The following FAM153A variants were observed in gnomAD, a reference collection of about 807,000 sequenced individuals.
FAM153A encodes family with sequence similarity 153 member A, also known as protein FAM153A.
In FAM153A, 12 loss-of-function variants were observed where a neutral mutation model predicts 48.1. That is an observed-to-expected ratio of 0.25 (90% confidence interval 0.16 to 0.40). The LOEUF (loss-of-function observed/expected upper bound fraction) is 0.40, where lower values mean the gene tolerates loss of function less well. Among genes scored for constraint, FAM153A ranks in the 10% least tolerant of loss-of-function variants. FAM153A has a pLI of 1.00. For synonymous variants in FAM153A, 36 were observed against 118.2 expected, an observed-to-expected ratio of 0.30 and a Z score of 4.51; for missense variants, 111 against 345.8, an observed-to-expected ratio of 0.32 and a Z score of 5.38.
the FAM153A span, among the ~76,000 whole-genome samples, chr5:177,702,564 A>T: frequency 6.6e-6 from 1 of 151,876 alleles, no homozygotes; most frequent in Non-Finnish European, 1.5e-5. Context: ...TAGCCAAGAC[A>T]ATGGGGGAAA....
upstream of FAM153A, among the ~76,000 whole-genome samples, chr5:177,755,569 T>C (rs1444243874): frequency 1.3e-5 from 2 of 151,688 alleles, no homozygotes; most frequent in Non-Finnish European, 2.9e-5. Flanking sequence ...GAAAAAATGT[T>C]AAGGGCAGCC....
chr5:177,710,313 T>C (rs1456304654), downstream of FAM153A, among the ~76,000 whole-genome samples: 1 of 151,504 alleles, frequency 6.6e-6, no homozygotes, highest in Non-Finnish European at 1.5e-5. Context: ...AGTTTCACCA[T>C]GTTGGCCAGG....
the FAM153A span, among the ~76,000 whole-genome samples, chr5:177,694,866 T>C: frequency 1.3e-5 from 2 of 150,678 alleles, no homozygotes; most frequent in Non-Finnish European, 2.9e-5. Context: ...TTTCCCTAAT[T>C]AGGACTCCAC....
the FAM153A span, among the ~76,000 whole-genome samples, chr5:177,699,575 A>G: frequency 1.3e-5 from 2 of 152,262 alleles, no homozygotes; most frequent in African/African-American, 2.4e-5. Context: ...AGGGAATACT[A>G]TGGACAACTG....
At chr5:177,713,555 T>C (rs1373143203) in intron 26 of FAM153A, among the ~76,000 whole-genome samples, 56 of 151,152 alleles carry the variant, frequency 3.7e-4, no homozygotes, top group African/African-American at 1.3e-3. Context: ...CCGTGCTCGG[T>C]CATCTTACAT....
the FAM153A span, among the ~76,000 whole-genome samples, chr5:177,694,819 C>A: frequency 1.4e-5 from 2 of 146,574 alleles, no homozygotes; most frequent in African/African-American, 5.2e-5. Context: ...TCTGCTTTTT[C>A]TTGTTGCTTT....
At chr5:177,768,768 A>G (rs1362075905) in intron 1 of FAM153A, among the ~76,000 whole-genome samples, 1 of 106,890 alleles carries the variant, frequency 9.4e-6, no homozygotes, top group Non-Finnish European at 1.9e-5. Context: ...ATCGTCCTGC[A>G]GTGCACCCAC....
intron 9 of FAM153A, 58 bp from the exon 12 acceptor site, chr5:177,739,195 G>C: frequency 1.3e-6 from 2 of 1,569,752 alleles, no homozygotes; most frequent in Non-Finnish European, 1.7e-6. Flanking sequence ...TCTGTGCACA[G>C]GTCTTTTCTA....
chr5:177,728,766 A>C (rs977204899), intron 18 of FAM153A, among the ~76,000 whole-genome samples: 4 of 150,152 alleles, frequency 2.7e-5, no homozygotes, highest in African/African-American at 1.0e-4. Flanking sequence ...GGGGTTTCTC[A>C]ATGTCAGTCA....
intron 1 of FAM153A, among the ~76,000 whole-genome samples, chr5:177,752,638 A>AAGAAG (rs1767105799): frequency 1.0e-5 from 1 of 98,730 alleles, no homozygotes; most frequent in South Asian, 3.1e-4. Flanking sequence ...AAAAAAAAAA[A>AAGAAG]AAAAGAAAAG....
chr5:177,720,928 CA>C (rs1760913494), downstream of FAM153A, among the ~76,000 whole-genome samples: 1 of 54,612 alleles, frequency 1.8e-5, no homozygotes, highest in Non-Finnish European at 3.2e-5. Flanking sequence ...AAACAATCTA[CA>C]AGAAACAAAA....
upstream of FAM153A, chr5:177,781,795 T>G (rs1243227956): frequency 1.0e-5 from 1 of 97,322 alleles, no homozygotes; most frequent in African/African-American, 3.8e-5. Flanking sequence ...CTCGGCTCAC[T>G]GCAAGCTGCG....
chr5:177,717,641 C>T (rs1186563804), downstream of FAM153A, among the ~76,000 whole-genome samples: 24 of 145,666 alleles, frequency 1.6e-4, no homozygotes, highest in African/African-American at 5.6e-4. Flanking sequence ...ATAGCATCAG[C>T]AATCGTGGGA....
At chr5:177,733,677 G>A (rs1185981190) in intron 14 of FAM153A, among the ~76,000 whole-genome samples, 1 of 151,422 alleles carries the variant, frequency 6.6e-6, no homozygotes, top group African/African-American at 2.4e-5. Flanking sequence ...CAAGATGGGT[G>A]GTGGAGGGTC....
intron 1 of FAM153A, among the ~76,000 whole-genome samples, chr5:177,759,817 G>T (rs942232849): frequency 6.6e-6 from 1 of 151,364 alleles, no homozygotes; most frequent in Middle Eastern, 3.4e-3. Flanking sequence ...CCTGTTGTGG[G>T]GGGGAGGGAT....
At chr5:177,759,162 C>T (rs112210376) in intron 1 of FAM153A, among the ~76,000 whole-genome samples, 4 of 151,794 alleles carry the variant, frequency 2.6e-5, no homozygotes, top group South Asian at 2.1e-4. Flanking sequence ...GCAAAGGATA[C>T]GAAGAGACAC....
intron 24 of FAM153A, among the ~76,000 whole-genome samples, chr5:177,716,964 AGTGTGT>A (rs59312087): frequency 5.8e-4 from 74 of 127,734 alleles, no homozygotes; most frequent in African/African-American, 1.0e-3. Context: ...ATTCCCGCTT[AGTGTGT>A]GTGTGTGTGT....
chr5:177,728,608 C>T (rs1763132474), intron 18 of FAM153A, among the ~76,000 whole-genome samples: 1 of 147,156 alleles, frequency 6.8e-6, no homozygotes. Context: ...TCGCTCGTTG[C>T]CCAGGCTGGA....
chr5:177,700,394 C>A, the FAM153A span, among the ~76,000 whole-genome samples: 1 of 151,930 alleles, frequency 6.6e-6, no homozygotes, highest in Non-Finnish European at 1.5e-5. Flanking sequence ...GGAAGTAAAA[C>A]TATGTTTGCA....
Sources: allele counts gnomAD v4.1 joint callset (sites outside exome capture counted in the v4.1 genomes callset), GRCh38; gene constraint gnomAD v4.1.1; transcripts MANE v1.5; gene names NCBI Gene and HGNC (gene_info 2026-07-23, HGNC 2026-07-21).